Variants in HIVEP1 observed in about 807,000 individuals in gnomAD.
HIVEP1 encodes HIVEP zinc finger 1.
HIVEP1 carries 36 observed loss-of-function variants against 180.0 expected under a neutral mutation model. The ratio of observed to expected loss-of-function variants is 0.20; its 90% confidence interval spans 0.15 to 0.26. The LOEUF (loss-of-function observed/expected upper bound fraction) is 0.26. Ranked by LOEUF, HIVEP1 falls within the 10% of genes least tolerant of loss-of-function variation. HIVEP1 has a pLI of 1.00. For synonymous variants in HIVEP1, 1,239 were observed against 1,239.0 expected, an observed-to-expected ratio of 1.00 and a Z score of 0.00; for missense variants, 3,143 against 3,268.7, an observed-to-expected ratio of 0.96 and a Z score of 0.94.
chr6:12,124,638 C>T lies in HIVEP1; in HGVS notation c.4843C>T (p.Leu1615=), dbSNP rs768946658. The change falls in exon 4 of 9, where the codon CTG becomes TTG. Residue 1615 remains leucine (L), a synonymous_variant. Transcript: ENST00000379388. ...LIDSMSNSHP[L]LPPELRPLGS... Reference sequence around the variant, plus strand: ...TGACAGCATGTCTAATTCGCATCCTCTGCTACCACCAGAGCTCAGGCCCCT... The same window carrying T: ...TGACAGCATGTCTAATTCGCATCCTTTGCTACCACCAGAGCTCAGGCCCCT... 2.2e-5 allele frequency: 35 copies of T among 1,614,092 alleles called. No individual in the cohort carries two copies. The highest frequency in any genetic ancestry group is 2.9e-5 in the Non-Finnish European group (34 of 1,180,038).
chr6:12,159,440 T>G (rs1464918021), intron 7 of HIVEP1, among the ~76,000 whole-genome samples: 1 of 151,918 alleles, frequency 6.6e-6, no homozygotes, highest in Non-Finnish European at 1.5e-5. Context: ...CAAATTCAAG[T>G]CAAATTGAGG....
rs767029339 is a variant in HIVEP1 at position 12,122,721 on chromosome 6, A to T, written c.2926A>T (p.Asn976Tyr). The T allele has an allele frequency of 6.2e-7, 1 of 1,613,704 alleles. No individual in the cohort carries two copies. The highest frequency in any genetic ancestry group is 8.5e-7 in the Non-Finnish European group (1 of 1,179,896). Residue 976 changes from asparagine (N) to tyrosine (Y), a missense_variant, in exon 4 of 9, where the codon AAT (asparagine) becomes TAT (tyrosine). Around this residue, in one of 12 missense-constraint regions of HIVEP1, gnomAD observed 204 missense variants for 243.7 expected, o/e 0.84. Transcript: ENST00000379388. ...GTATAGGAAACTGGAAAATTTTGAA[A>T]ATCATAAGAAATTTTACTGTTCTGA... ...NRYRKLENFE[N>Y]HKKFYCSELH...
intron 2 of HIVEP1, among the ~76,000 whole-genome samples, chr6:12,065,305 G>A (rs1232809110): frequency 6.6e-6 from 1 of 152,204 alleles, no homozygotes; most frequent in East Asian, 1.9e-4. Context: ...AGAGGGTGAT[G>A]CAGACATGAA....
intron 3 of HIVEP1, 90 bp downstream of exon 3, chr6:12,089,327 G>GT: frequency 1.5e-6 from 1 of 687,062 alleles, no homozygotes; most frequent in East Asian, 2.7e-5. Flanking sequence ...AAATAAATCA[G>GT]TATAGACATA....
chr6:12,013,772 A>G (rs976613660), intron 1 of HIVEP1, among the ~76,000 whole-genome samples: 2 of 152,226 alleles, frequency 1.3e-5, no homozygotes, highest in East Asian at 1.9e-4. Context: ...GAGAAACCCT[A>G]TCTTTTATAG....
At chr6:12,117,373 A>G (rs967670638) in intron 3 of HIVEP1, among the ~76,000 whole-genome samples, 4 of 152,230 alleles carry the variant, frequency 2.6e-5, no homozygotes, top group Non-Finnish European at 5.9e-5. Context: ...GTGTAGTTCA[A>G]AAGTTCCATT....
At chr6:12,035,213 G>A (rs1769196357) in intron 2 of HIVEP1, among the ~76,000 whole-genome samples, 1 of 152,164 alleles carries the variant, frequency 6.6e-6, no homozygotes, top group African/African-American at 2.4e-5. Context: ...AAATAAACTT[G>A]GAGTGTATCT....
In HIVEP1 at chr6:12,164,526, T is replaced by A; in HGVS notation, c.*65T>A. ...TTAAAGGTTTCTTTGAAAACCCTCC[T>A]TTCCTTAAAGCACATTTTTCTGACA... On this transcript the variant is annotated 3_prime_UTR_variant, in exon 9 of 9. Coordinates refer to ENST00000379388, the MANE Select transcript of HIVEP1 (RefSeq NM_002114.4). 2 of 1,260,364 alleles carry A rather than the reference T, an allele frequency of 1.6e-6. No homozygotes were observed. The highest frequency in any genetic ancestry group is 2.6e-5 in the Admixed American group (1 of 38,170). The allele number at this position is 1,260,364 out of a possible 1,614,324, so 78.1% of individuals were successfully genotyped here. A position where few individuals can be genotyped will look rare whatever the true frequency, so the allele number is the denominator to read the frequency against.
At chr6:12,135,355 A>G (rs748896276) in intron 6 of HIVEP1, among the ~76,000 whole-genome samples, 5 of 152,206 alleles carry the variant, frequency 3.3e-5, no homozygotes, top group Non-Finnish European at 5.9e-5. Context: ...ATGGAAAACA[A>G]TCTTGCTGAG....
intron 7 of HIVEP1, among the ~76,000 whole-genome samples, chr6:12,154,677 A>G (rs1370601359): frequency 6.6e-6 from 1 of 152,046 alleles, no homozygotes; most frequent in Non-Finnish European, 1.5e-5. Flanking sequence ...ATTAGGACAA[A>G]TACCTAATGC....
intron 3 of HIVEP1, among the ~76,000 whole-genome samples, chr6:12,118,141 GT>G (rs376648879): frequency 5.2e-5 from 7 of 134,994 alleles, no homozygotes; most frequent in African/African-American, 1.8e-4. Flanking sequence ...ACCCCCTTTT[GT>G]TTTTTTTTTT....
intron 2 of HIVEP1, among the ~76,000 whole-genome samples, chr6:12,074,550 T>G (rs1354315176): frequency 6.6e-6 from 1 of 151,678 alleles, no homozygotes; most frequent in East Asian, 1.9e-4. Context: ...AGTGTAGGTC[T>G]GTAGCAGGGG....
intron 7 of HIVEP1, among the ~76,000 whole-genome samples, chr6:12,152,145 G>A (rs1039052731): frequency 9.9e-5 from 15 of 152,044 alleles, no homozygotes; most frequent in African/African-American, 3.6e-4. Context: ...GACGGAGCAA[G>A]ACTCCAAGAC....
At chr6:12,133,496 T>C (rs1446561176) in intron 6 of HIVEP1, among the ~76,000 whole-genome samples, 1 of 152,232 alleles carries the variant, frequency 6.6e-6, no homozygotes, top group Non-Finnish European at 1.5e-5. Flanking sequence ...ACACTTTCAA[T>C]ATTTTGTATA....
At chr6:12,211,302 A>AG in the HIVEP1 span, among the ~76,000 whole-genome samples, 5,442 of 80,542 alleles carry the variant, frequency 0.068, 259 homozygotes, top group Admixed American at 0.077. Context: ...CCGGAGGCTG[A>AG]GGCAGGAGAA....
chr6:12,143,589 T>G (rs1188990997), intron 7 of HIVEP1, among the ~76,000 whole-genome samples: 1 of 152,128 alleles, frequency 6.6e-6, no homozygotes, highest in Non-Finnish European at 1.5e-5. Flanking sequence ...AAAGAAGAAG[T>G]CAAATTGTCC....
chr6:12,029,683 A>G lies in HIVEP1; in HGVS notation c.40+14015A>G, dbSNP rs555540823. Reference sequence around the variant, plus strand: ...AGTAATACTAACTGAACTCTGGTAAAATATAGAAACTTTTCTCCAGTATCT... The same window carrying G: ...AGTAATACTAACTGAACTCTGGTAAGATATAGAAACTTTTCTCCAGTATCT... On this transcript the variant is annotated intron_variant, in intron 2 of 8. Coordinates refer to ENST00000379388, the MANE Select transcript of HIVEP1 (RefSeq NM_002114.4). 7.2e-5 allele frequency among the ~76,000 whole-genome samples: 11 copies of G among 152,240 alleles called. No individual in the cohort carries two copies. The South Asian group carries it at 1.9e-3, about 26-fold the overall frequency.
In HIVEP1 at chr6:12,103,508, T is replaced by C. The variant is rs137920634; in HGVS notation, c.94+14271T>C. Among the ~76,000 whole-genome samples, 373 of 151,932 alleles carry C rather than the reference T, an allele frequency of 2.5e-3. 1 individual carries two copies. The highest frequency in any genetic ancestry group is 8.5e-3 in the African/African-American group (354 of 41,484). On this transcript the variant is annotated intron_variant, in intron 3 of 8. Coordinates refer to ENST00000379388, the MANE Select transcript of HIVEP1 (RefSeq NM_002114.4). ...GGTAACTGGATGCAAGAGTCCAGGA[T>C]AGTTTCTAGTTTAGACAACTGCATG... is the stretch of plus-strand genomic sequence containing the variant.
chr6:12,015,765 CT>C (rs1341125931), intron 2 of HIVEP1, 97 bp downstream of exon 2: 1 of 1,109,250 alleles, frequency 9.0e-7, no homozygotes, highest in African/African-American at 1.6e-5. Context: ...GATGTTGACC[CT>C]GCCTGGTGAG....
Sources: gnomAD v4.1 joint callset for allele counts (sites outside exome capture counted in the v4.1 genomes callset) on GRCh38, gnomAD v4.1.1 for gene constraint, gnomAD v4.1.1 regional missense constraint, MANE v1.5 for transcripts, NCBI Gene and HGNC (gene_info 2026-07-23, HGNC 2026-07-21) for gene names.